The following BRAT1 variants were observed in gnomAD, a reference collection of about 807,000 sequenced individuals.
The protein encoded by BRAT1 is integrator complex assembly factor BRAT1.
Under a neutral mutation model 70.6 loss-of-function variants are expected in BRAT1, and 74 were observed. The ratio of observed to expected loss-of-function variants is 1.05; its 90% CI spans 0.87 to 1.27. BRAT1 has a LOEUF of 1.27. Among genes scored for constraint, BRAT1 ranks in the 50% most tolerant of loss-of-function variants. The probability of loss-of-function intolerance (pLI) is 0.00; values close to 1 mark genes in which losing one functional copy is unlikely to be tolerated. For synonymous variants in BRAT1, 615 were observed against 517.1 expected (o/e 1.19, Z -2.57); for missense variants, 1,203 against 1,098.2 (o/e 1.10, Z -1.35).
At chr7:2,548,923 C>G (rs1327774098) in intron 2 of BRAT1, among the ~76,000 whole-genome samples, 1 of 152,130 alleles carries the variant, frequency 6.6e-6, no homozygotes, top group Non-Finnish European at 1.5e-5. Context: ...CGAGATCGCA[C>G]CACTGCACTC....
At position 2,542,050 on chromosome 7, in the gene BRAT1, T is replaced by C. The variant is rs115083971; in HGVS notation, c.1015+70A>G. 2,235 of 1,388,136 alleles carry C rather than the reference T, an allele frequency of 1.6e-3. 34 individuals are homozygous for C. In the African/African-American group the frequency reaches 0.029, roughly 18 times the overall value. 86.0% of individuals were successfully genotyped at this position (1,388,136 alleles called of 1,614,324 possible). A position where few individuals can be genotyped will look rare whatever the true frequency, so the allele number is the denominator to read the frequency against. On this transcript the variant is annotated intron_variant, in intron 7 of 13. Transcript: ENST00000340611. ...GGCGGGGGTGGCGAGCCAGCTACTC[T>C]CATCCATCTCCCTTCCCCCAGCCGC...
At position 2,540,974 on chromosome 7, in the gene BRAT1, C is replaced by T. The variant is rs778208704; in HGVS notation, c.1395+5G>A. On this transcript the variant is annotated splice_donor_5th_base_variant and intron_variant, in intron 10 of 13. Transcript: ENST00000340611. ...TCTCCTCGCTCTCTATCCCCACCAC[C>T]GTACCGTGGGGCTGGAGCCGGGGCT... The T allele has an allele frequency of 7.8e-6, 12 of 1,544,900 alleles. No homozygotes were observed. The highest frequency in any genetic ancestry group is 2.5e-5 in the South Asian group (2 of 79,234).
At chr7:2,544,220 T>TTTTTTTTG (rs56191016) in intron 4 of BRAT1, 1 of 362,650 alleles carries the variant, frequency 2.8e-6, no homozygotes. Context: ...TTTTTTTTTT[T>TTTTTTTTG]GAGACAGAGT....
chr7:2,539,290 G>T lies in BRAT1; in HGVS notation c.1659C>A (p.Leu553=). Residue 553 remains leucine (L), a synonymous_variant, in exon 13 of 14, where the codon CTC becomes CTA. Transcript: ENST00000340611. The part of the protein sequence containing the change: ...ASEVPQLALQ[L]LQDPESYVRA... ...GGACATAACTCTCAGGGTCCTGGAG[G>T]AGCTGCAGGGCCAGCTGAGGCACCT... 6.2e-7 allele frequency: 1 copy of T among 1,611,972 alleles called. No homozygotes were observed. Among genetic ancestry groups the T allele is most frequent in the South Asian group, 1.1e-5 (1 of 91,018 alleles).
rs374104217 is a variant in BRAT1, at chr7:2,540,791, T to A, written c.1395+188A>T. 187 of 539,290 alleles carry A rather than the reference T, an allele frequency of 3.5e-4. 1 individual carries two copies. In the South Asian group the frequency reaches 6.4e-3, roughly 18 times the overall value. The allele number at this position is 539,290 out of a possible 1,614,324, so 33.4% of individuals were successfully genotyped here. A position where few individuals can be genotyped will look rare whatever the true frequency, so the allele number is the denominator to read the frequency against. ...CACACCCCTGCGTGCTGATGTATCT[T>A]CACCAACAAGAGGCCCTGGGCCCGC... On this transcript the variant is annotated intron_variant, in intron 10 of 13. Coordinates refer to ENST00000340611, the MANE Select transcript of BRAT1 (RefSeq NM_152743.4).
rs768471054 is a variant in BRAT1, at chr7:2,539,557, G to A, written c.1584C>T (p.Ser528=). 2 of 1,566,436 alleles carry A rather than the reference G, an allele frequency of 1.3e-6. No homozygotes were observed. The highest frequency in any genetic ancestry group is 8.7e-7 in the Non-Finnish European group (1 of 1,154,792). ...DSALEFLTQL[S]RHWGGQADFR... is the part of the protein sequence containing the mutation. ...GCCAGCACTCACCTCCCCAGTGCCT[G>A]CTCAGCTGGGTCAGGAACTCGAGGG... is the stretch of plus-strand genomic sequence containing the variant. The change falls in exon 12 of 14, where the codon AGC becomes AGT. Residue 528 remains serine, a synonymous_variant. Transcript: ENST00000340611.
chr7:2,540,700 C>G lies in BRAT1; in HGVS notation c.1395+279G>C, dbSNP rs191842793. 2.0e-3 allele frequency: 784 copies of G among 385,974 alleles called. 2 individuals carry two copies. The highest frequency in any genetic ancestry group is 3.0e-3 in the Non-Finnish European group (646 of 217,638). 23.9% of individuals were successfully genotyped at this position (385,974 alleles called of 1,614,324 possible). On this transcript the variant is annotated intron_variant, in intron 10 of 13. Coordinates refer to ENST00000340611, the MANE Select transcript of BRAT1 (RefSeq NM_152743.4). ...ACGCCCAGGGCCGTCTTGGTGCCAC[C>G]TCATTTCCCTTGTCCAGAATTCCCC...
rs781646381 is a variant in BRAT1, at chr7:2,543,724, C to G, written c.669G>C (p.Thr223=). 6.3e-7 allele frequency: 1 copy of G among 1,590,274 alleles called. No homozygotes were observed. Among genetic ancestry groups the G allele is most frequent in the East Asian group, 2.3e-5 (1 of 44,312 alleles). Residue 223 remains threonine, a synonymous_variant, in exon 5 of 14, where the codon ACG becomes ACC. Transcript: ENST00000340611. This position sits in a 1 kb window ranked among gnomAD's most constrained non-coding sequence, Gnocchi z 5.5. ...KVTQALNVLT[T]TFGRCQSPWT... ...AGGGGCTCTGGCAGCGCCCGAAGGT[C>G]GTGGTCAGGACGTTCAGGGCCTGAG... is the stretch of plus-strand genomic sequence containing the variant.
In BRAT1 at chr7:2,538,128, G is replaced by C; in HGVS notation, c.2407C>G (p.Leu803Val). 1 of 1,603,276 alleles carries C rather than the reference G, an allele frequency of 6.2e-7. No individual in the cohort carries two copies. Among genetic ancestry groups the C allele is most frequent in the Middle Eastern group, 1.7e-4 (1 of 6,040 alleles). Residue 803 changes from leucine (L) to valine (V), a missense_variant, in exon 14 of 14, where the codon CTG (leucine) becomes GTG (valine). By Grantham distance (32) the Leu-to-Val change is conservative (BLOSUM62 1). Coordinates refer to ENST00000340611, the MANE Select transcript of BRAT1 (RefSeq NM_152743.4). Reference protein sequence around the residue: ...DHVEKSPQSLLQDMLATGGFL... With the variant: ...DHVEKSPQSLVQDMLATGGFL... ...CCTCCCGTGGCCAGCATGTCCTGCA[G>C]GAGGGACTGGGGACTCTTTTCCACG... is the stretch of plus-strand genomic sequence containing the variant.
Position 2,546,527 on chromosome 7 carries a change from G to C in BRAT1, c.282+797C>G, listed in dbSNP as rs150416603. Among the ~76,000 whole-genome samples the C allele has an allele frequency of 2.6e-5, 4 of 152,226 alleles. No homozygotes were observed. In the East Asian group the frequency reaches 7.7e-4, roughly 29 times the overall value. Reference sequence around the variant, plus strand: ...GGCAGACGGATCACTTGAGGTCAAGGAGTTCGTGATCAGCCTGGCCAAAAT... The same window carrying C: ...GGCAGACGGATCACTTGAGGTCAAGCAGTTCGTGATCAGCCTGGCCAAAAT... On this transcript the variant is annotated intron_variant, in intron 3 of 13. Coordinates refer to ENST00000340611, the MANE Select transcript of BRAT1 (RefSeq NM_152743.4).
intron 6 of BRAT1, chr7:2,542,892 GT>G (rs1031879706): frequency 4.9e-6 from 1 of 204,860 alleles, no homozygotes; most frequent in Non-Finnish European, 9.9e-6. Context: ...CAAAGCTGCG[GT>G]GGGGGACAGG....
rs1219396332 is a variant in BRAT1 at position 2,539,176 on chromosome 7, T to C, written c.1770+3A>G. 1 of 1,592,312 alleles carries C rather than the reference T, an allele frequency of 6.3e-7. No homozygotes were observed. The highest frequency in any genetic ancestry group is 1.1e-5 in the South Asian group (1 of 90,334). Reference sequence around the variant, plus strand: ...GCTGGCTGAGGAACCTGCCACCTCCTACCTGCCGGGCCTCTGCATGCTCAG... The same window carrying C: ...GCTGGCTGAGGAACCTGCCACCTCCCACCTGCCGGGCCTCTGCATGCTCAG... On this transcript the variant is annotated splice_donor_region_variant and intron_variant, in intron 13 of 13. Transcript: ENST00000340611.
intron 1 of BRAT1, among the ~76,000 whole-genome samples, chr7:2,554,788 G>A (rs1780291165): frequency 6.6e-6 from 1 of 152,244 alleles, no homozygotes; most frequent in South Asian, 2.1e-4. Flanking sequence ...GTGGGCCAGA[G>A]TCAGGGGCAT....
chr7:2,539,017 C>T (rs1024895237), intron 13 of BRAT1, 162 bp downstream of exon 13: 5 of 1,435,416 alleles, frequency 3.5e-6, no homozygotes, highest in Non-Finnish European at 4.6e-6. Context: ...ACAGGTCCCA[C>T]ACCCAGCACA....
At position 2,554,297 on chromosome 7, in the gene BRAT1, C is replaced by T; in HGVS notation, c.127+8G>A. On this transcript the variant is annotated splice_region_variant and intron_variant, in intron 2 of 13. Coordinates refer to ENST00000340611, the MANE Select transcript of BRAT1 (RefSeq NM_152743.4). Reference sequence around the variant, plus strand: ...GATAGGCAGTAAACAGCAGCACCACCTCCTTACCTCCTTCAGTGACCGTTT... The same window carrying T: ...GATAGGCAGTAAACAGCAGCACCACTTCCTTACCTCCTTCAGTGACCGTTT... 6.2e-7 allele frequency: 1 copy of T among 1,613,108 alleles called. No homozygotes were observed. Among genetic ancestry groups the T allele is most frequent in the Non-Finnish European group, 8.5e-7 (1 of 1,179,380 alleles).
intron 2 of BRAT1, among the ~76,000 whole-genome samples, chr7:2,550,354 G>C (rs1779909765): frequency 6.6e-6 from 1 of 150,470 alleles, no homozygotes; most frequent in Non-Finnish European, 1.5e-5. Flanking sequence ...TGTGGTCCCA[G>C]CTATTAGGGA....
At position 2,540,033 on chromosome 7, in the gene BRAT1, CCTT is replaced by C. The variant is rs1270405435; in HGVS notation, c.1396-148_1396-146del. The C allele has an allele frequency of 3.0e-5, 18 of 599,864 alleles. No homozygotes were observed. In the Middle Eastern group the frequency reaches 1.4e-3, roughly 45 times the overall value. The allele number at this position is 599,864 out of a possible 1,614,324, so 37.2% of individuals were successfully genotyped here. ...GGAGAGAGAAGGGAACGCTGGGCTT[CCTT>C]CTTTTTTAGAGACAGGGTCTCAATG... On this transcript the variant is annotated intron_variant, in intron 10 of 13. Transcript: ENST00000340611.
At position 2,539,819 on chromosome 7, in the gene BRAT1, C is replaced by T. The variant is rs1420913778; in HGVS notation, c.1465G>A (p.Asp489Asn). The T allele has an allele frequency of 6.2e-7, 1 of 1,611,880 alleles. No individual in the cohort carries two copies. The highest frequency in any genetic ancestry group is 8.5e-7 in the Non-Finnish European group (1 of 1,179,122). ...LSSPKTPGCS[D>N]LGPLIPQFLR... is the part of the protein sequence containing the mutation. ...AACTGCGGGATGAGGGGGCCGAGATCAGAGCAGCCGGGGGTCTTGGGTGAG... is the reference window on the plus strand; with the variant it reads ...AACTGCGGGATGAGGGGGCCGAGATTAGAGCAGCCGGGGGTCTTGGGTGAG... The change falls in exon 11 of 14, where the codon GAT becomes AAT. Residue 489 changes from aspartate (D) to asparagine (N), a missense_variant. Asp to Asn is a conservative substitution (Grantham distance 23, BLOSUM62 1). Transcript: ENST00000340611.
At chr7:2,542,434 G>A in intron 6 of BRAT1, 3 of 578,424 alleles carry the variant, frequency 5.2e-6, no homozygotes, top group South Asian at 2.0e-5. Context: ...GTCCTTAGGA[G>A]CAGATACTGA....
Sources: allele counts gnomAD v4.1 joint callset (sites outside exome capture counted in the v4.1 genomes callset), GRCh38; gene constraint gnomAD v4.1.1; non-coding constraint Gnocchi (gnomAD v3.1); transcripts MANE v1.5; gene names NCBI Gene and HGNC (gene_info 2026-07-23, HGNC 2026-07-21).